The following PHACTR2 variants were observed in gnomAD, a reference collection of about 807,000 sequenced individuals.
PHACTR2 encodes the protein phosphatase and actin regulator 2.
In PHACTR2, 30 loss-of-function variants were observed where a neutral mutation model predicts 76.0. That is an observed-to-expected ratio of 0.39 (90% CI 0.30 to 0.54). PHACTR2 has a LOEUF of 0.54. Ranked by LOEUF, PHACTR2 falls within the 20% of genes least tolerant of loss-of-function variation. The pLI is 0.61. For missense variants in PHACTR2, 696 were observed against 781.1 expected, an observed-to-expected ratio of 0.89 and a Z score of 1.30; for synonymous variants, 292 against 292.5, an observed-to-expected ratio of 1.00 and a Z score of 0.02.
chr6:143,790,138 C>A (rs1485388203), intron 11 of PHACTR2, among the ~76,000 whole-genome samples: 2 of 152,160 alleles, frequency 1.3e-5, no homozygotes, highest in African/African-American at 4.8e-5. Flanking sequence ...GGATCAAACA[C>A]AATCCTGAGA....
chr6:143,588,012 CTAAAATAAAATAAAATAAAA>C (rs56155115), intron 1 of PHACTR2, among the ~76,000 whole-genome samples: 1 of 137,656 alleles, frequency 7.3e-6, no homozygotes, highest in Non-Finnish European at 1.6e-5. Flanking sequence ...AACTCTGTCT[CTAAAATAAAATAAAATAAAA>C]TAAAATAAAA....
intron 1 of PHACTR2, among the ~76,000 whole-genome samples, chr6:143,586,998 T>C (rs1023557287): frequency 4.6e-5 from 7 of 152,196 alleles, no homozygotes; most frequent in African/African-American, 1.7e-4. Context: ...TGAACTATAA[T>C]GGATTAATTG....
At chr6:143,770,612 A>G (rs1582862086) in intron 6 of PHACTR2, among the ~76,000 whole-genome samples, 1 of 152,220 alleles carries the variant, frequency 6.6e-6, no homozygotes, top group Non-Finnish European at 1.5e-5. Context: ...AAATTTTGAC[A>G]GTGATCACTC....
rs908811065 is a variant in PHACTR2 at position 143,709,503 on chromosome 6, T to C, written c.47-2513T>C. Among the ~76,000 whole-genome samples the C allele has an allele frequency of 1.3e-5, 2 of 152,236 alleles. No individual in the cohort carries two copies. Among genetic ancestry groups the C allele is most frequent in the Non-Finnish European group, 2.9e-5 (2 of 68,034 alleles). ...ATTTTCGATGGAAACTTGGACATTT[T>C]TGTATTATGTTATGTGACTCTAGAT... On this transcript the variant is annotated intron_variant, in intron 1 of 12. Transcript: ENST00000440869. The surrounding 1 kb of genome is among the most constrained non-coding windows in gnomAD (Gnocchi z 4.4).
intron 1 of PHACTR2, among the ~76,000 whole-genome samples, chr6:143,552,050 T>C (rs918146261): frequency 6.6e-6 from 1 of 152,238 alleles, no homozygotes; most frequent in African/African-American, 2.4e-5. Context: ...CTCCCTCTCT[T>C]CGAGTTCACT....
At position 143,595,114 on chromosome 6, in the gene PHACTR2, C is replaced by T. The variant is rs929530599; in HGVS notation, c.217+57907C>T. On this transcript the variant is annotated intron_variant, in intron 1 of 11. Coordinates refer to the PHACTR2 transcript ENST00000367584. This position sits in a 1 kb window ranked among gnomAD's most constrained non-coding sequence, Gnocchi z 4.2. ...CAATTTTAGATTCTCATAGTAAGAA[C>T]AAATTTAGACACCTTCATAAGGTGT... is the stretch of plus-strand genomic sequence containing the variant. Among the ~76,000 whole-genome samples, 3 of 152,114 alleles carry T rather than the reference C, an allele frequency of 2.0e-5. No individual in the cohort carries two copies. The highest frequency in any genetic ancestry group is 4.4e-5 in the Non-Finnish European group (3 of 68,028).
In PHACTR2 at chr6:143,648,756, G is replaced by A. The variant is rs1776702558; in HGVS notation, c.13+40434G>A. ...TCTCCTCCCCAGGATGTGCACGTGT[G>A]TGTGTCTCTGTGTGTGTGTGGGCAT... On this transcript the variant is annotated intron_variant, in intron 1 of 11. Transcript: ENST00000305766. The surrounding 1 kb of genome is among the most constrained non-coding windows in gnomAD (Gnocchi z 6.7). Among the ~76,000 whole-genome samples the A allele has an allele frequency of 6.6e-6, 1 of 152,066 alleles. No individual in the cohort carries two copies. The highest frequency in any genetic ancestry group is 2.4e-5 in the African/African-American group (1 of 41,398).
At position 143,678,352 on chromosome 6, in the gene PHACTR2, C is replaced by G; in HGVS notation, c.46+143C>G. 1.4e-6 allele frequency: 1 copy of G among 691,988 alleles called. No individual in the cohort carries two copies. The highest frequency in any genetic ancestry group is 4.5e-4 in the Middle Eastern group (1 of 2,198). The allele number at this position is 691,988 out of a possible 1,614,324, so 42.9% of individuals were successfully genotyped here. On this transcript the variant is annotated intron_variant, in intron 1 of 12. Transcript: ENST00000440869. This position sits in a 1 kb window ranked among gnomAD's most constrained non-coding sequence, Gnocchi z 6.2. ...TCGGAGAAACCCCAGAGGTAGCGCT[C>G]GCCAAACTCTTTGTCGTGAAAGAGG...
chr6:143,630,520 A>C (rs969542567), intron 1 of PHACTR2, among the ~76,000 whole-genome samples: 3 of 152,188 alleles, frequency 2.0e-5, no homozygotes, highest in African/African-American at 7.2e-5. Flanking sequence ...TCAGTAAACA[A>C]CTATCATTAA....
upstream of PHACTR2, among the ~76,000 whole-genome samples, chr6:143,673,668 A>G (rs528840298): frequency 1.3e-5 from 2 of 152,232 alleles, no homozygotes; most frequent in East Asian, 3.9e-4. Context: ...GCAAAATTAC[A>G]GACGCTTTTC....
In PHACTR2 at chr6:143,821,570, G is replaced by A. The variant is rs149425011; in HGVS notation, c.1923-2104G>A. ...GATTATATAATGTAAGCAATAACTG[G>A]CATAAGCCAAAGGTTATGGGAACAC... On this transcript the variant is annotated intron_variant, in intron 12 of 12. Transcript: ENST00000440869. This position sits in a 1 kb window ranked among gnomAD's most constrained non-coding sequence, Gnocchi z 5.2. 3.7e-3 allele frequency among the ~76,000 whole-genome samples: 568 copies of A among 152,328 alleles called. 5 individuals carry two copies. The highest frequency in any genetic ancestry group is 2.4e-3 in the Non-Finnish European group (161 of 68,042).
intron 1 of PHACTR2, among the ~76,000 whole-genome samples, chr6:143,552,729 C>T (rs1460916857): frequency 6.6e-6 from 1 of 151,892 alleles, no homozygotes; most frequent in Non-Finnish European, 1.5e-5. Context: ...CATGGTGAAA[C>T]CCTGTCTCTA....
rs1781195004 is a variant in PHACTR2 at position 143,543,801 on chromosome 6, G to A, written c.217+6594G>A. 6.6e-6 allele frequency among the ~76,000 whole-genome samples: 1 copy of A among 152,172 alleles called. No homozygotes were observed. The highest frequency in any genetic ancestry group is 2.4e-5 in the African/African-American group (1 of 41,444). Reference sequence around the variant, plus strand: ...TGCTGTGTTTGCCTTTTTCCTGGGAGACACAATTTAGGCATTTGCAAGTTT... The same window carrying A: ...TGCTGTGTTTGCCTTTTTCCTGGGAAACACAATTTAGGCATTTGCAAGTTT... On this transcript the variant is annotated intron_variant, in intron 1 of 11. Coordinates refer to the PHACTR2 transcript ENST00000367584. The surrounding 1 kb of genome is among the most constrained non-coding windows in gnomAD (Gnocchi z 4.7).
At chr6:143,704,095 C>CTGTGTGTGTGTGTCTG (rs1554221240) in intron 1 of PHACTR2, among the ~76,000 whole-genome samples, 2 of 144,126 alleles carry the variant, frequency 1.4e-5, no homozygotes, top group African/African-American at 5.1e-5. Context: ...GTGTGTGTGT[C>CTGTGTGTGTGTGTCTG]TGTGTGTGTG....
At position 143,712,074 on chromosome 6, in the gene PHACTR2, A is replaced by G. The variant is rs1416954015; in HGVS notation, c.105A>G (p.Gln35=). Residue 35 remains glutamine, a synonymous_variant, in exon 2 of 13, where the codon CAA becomes CAG. Transcript: ENST00000440869. The part of the protein sequence containing the change: ...ANSDGPTAGS[Q]TPPFKRKGKL... ...CAGATGGCCCCACAGCAGGTTCCCA[A>G]ACACCTCCCTTCAAAAGAAAGGGGA... 6.3e-7 allele frequency: 1 copy of G among 1,598,592 alleles called. No individual in the cohort carries two copies. Among genetic ancestry groups the G allele is most frequent in the Admixed American group, 1.8e-5 (1 of 56,428 alleles).
rs1168954162 is a variant in PHACTR2, at chr6:143,823,415, T to C, written c.1923-259T>C. On this transcript the variant is annotated intron_variant, in intron 12 of 12. Transcript: ENST00000440869. The surrounding 1 kb of genome is among the most constrained non-coding windows in gnomAD (Gnocchi z 5.7). ...TGTCTTGGTTGCTGTGTAACTTGAA[T>C]ACTATAACCAGCATCTTTTATATAA... 6.6e-6 allele frequency among the ~76,000 whole-genome samples: 1 copy of C among 152,228 alleles called. No individual in the cohort carries two copies. The highest frequency in any genetic ancestry group is 1.9e-4 in the East Asian group (1 of 5,198).
intron 1 of PHACTR2, among the ~76,000 whole-genome samples, chr6:143,569,213 G>A (rs2128431337): frequency 6.6e-6 from 1 of 152,264 alleles, no homozygotes; most frequent in East Asian, 1.9e-4. Context: ...TGTTACTTGT[G>A]GGCTGAGACA....
In PHACTR2 at chr6:143,683,646, C is replaced by A. The variant is rs1177752552; in HGVS notation, c.46+5437C>A. Among the ~76,000 whole-genome samples the A allele has an allele frequency of 6.6e-6, 1 of 152,160 alleles. No homozygotes were observed. The highest frequency in any genetic ancestry group is 1.5e-5 in the Non-Finnish European group (1 of 68,034). On this transcript the variant is annotated intron_variant, in intron 1 of 12. Coordinates refer to ENST00000440869, the MANE Select transcript of PHACTR2 (RefSeq NM_001100164.2). The surrounding 1 kb of genome is among the most constrained non-coding windows in gnomAD (Gnocchi z 4.1). ...TGGGTTTCCAAGTTTTGTTCAGGGCCCTGTATTTGTCTTGTCCAGAATATT... is the reference window on the plus strand; with the variant it reads ...TGGGTTTCCAAGTTTTGTTCAGGGCACTGTATTTGTCTTGTCCAGAATATT...
chr6:143,719,896 C>G (rs1778401298), intron 2 of PHACTR2, among the ~76,000 whole-genome samples: 1 of 148,432 alleles, frequency 6.7e-6, no homozygotes, highest in Non-Finnish European at 1.5e-5. Flanking sequence ...ACTGCAACCT[C>G]CACCTCCCAG....
Sources: allele counts gnomAD v4.1 joint callset (sites outside exome capture counted in the v4.1 genomes callset), GRCh38; gene constraint gnomAD v4.1.1; non-coding constraint Gnocchi (gnomAD v3.1); transcripts MANE v1.5; gene names NCBI Gene and HGNC (gene_info 2026-07-23, HGNC 2026-07-21).